The following SHROOM3 variants were observed in gnomAD, a reference collection of about 807,000 sequenced individuals.
SHROOM3 encodes the protein protein Shroom3.
In SHROOM3, 47 loss-of-function variants were observed where a neutral mutation model predicts 138.6. The ratio of observed to expected loss-of-function variants is 0.34; its 90% CI spans 0.27 to 0.43. The LOEUF is 0.43. SHROOM3 is among the 20% of genes least tolerant of loss of function. SHROOM3 has a pLI of 1.00. For missense variants in SHROOM3, 2,491 were observed against 2,596.5 expected, an observed-to-expected ratio of 0.96 and a Z score of 0.88; for synonymous variants, 1,062 against 1,063.3, an observed-to-expected ratio of 1.00 and a Z score of 0.02.
rs35737209 is a variant in SHROOM3, at chr4:76,734,513, CT to C, written c.587+3594del. ...CTATGTTTTAAATATTTTAAAAATA[CT>C]TTTTTTTTTTTTTTTGAGATGGGTC... On this transcript the variant is annotated intron_variant, in intron 4 of 10. Coordinates refer to ENST00000296043, the MANE Select transcript of SHROOM3 (RefSeq NM_020859.4). 6.1e-3 allele frequency among the ~76,000 whole-genome samples: 844 copies of C among 137,628 alleles called. 3 individuals are homozygous for C. The highest frequency in any genetic ancestry group is 7.5e-3 in the Middle Eastern group (2 of 266). The allele number at this position is 137,628 out of a possible 152,430, so 90.3% of individuals were successfully genotyped here.
At position 76,634,074 on chromosome 4, in the gene SHROOM3, T is replaced by C. The variant is rs565087774; in HGVS notation, c.324-76082T>C. 7.9e-5 allele frequency among the ~76,000 whole-genome samples: 12 copies of C among 152,292 alleles called. 1 individual carries two copies. The highest frequency in any genetic ancestry group is 1.5e-4 in the Non-Finnish European group (10 of 68,020). On this transcript the variant is annotated intron_variant, in intron 2 of 10. Coordinates refer to ENST00000296043, the MANE Select transcript of SHROOM3 (RefSeq NM_020859.4). ...AGTGCTAGTCCTCAATATTCTCCCC[T>C]AACACCCATTCTCACTCTGCTAATA...
chr4:76,688,771 T>C, intron 2 of SHROOM3: 1 of 985,310 alleles, frequency 1.0e-6, no homozygotes, highest in Non-Finnish European at 1.2e-6. Context: ...CCAAAATCTC[T>C]CGAAATTACA....
At chr4:76,542,687 G>C (rs929917456) in intron 1 of SHROOM3, among the ~76,000 whole-genome samples, 1 of 152,228 alleles carries the variant, frequency 6.6e-6, no homozygotes, top group African/African-American at 2.4e-5. Flanking sequence ...ACAGCTAGCT[G>C]ACACCTTGGT....
chr4:76,643,211 CAAAAAA>C (rs34800196), intron 2 of SHROOM3, among the ~76,000 whole-genome samples: 1 of 125,164 alleles, frequency 8.0e-6, no homozygotes, highest in Admixed American at 8.2e-5. Flanking sequence ...GATGCTGTCT[CAAAAAA>C]AAAAAAAAAA....
At chr4:76,461,445 G>A (rs1731140774) in intron 1 of SHROOM3, among the ~76,000 whole-genome samples, 1 of 152,130 alleles carries the variant, frequency 6.6e-6, no homozygotes, top group South Asian at 2.1e-4. Flanking sequence ...AGAATTTGGG[G>A]TTGTGTCAGA....
chr4:76,777,423 T>C (rs1414251399), intron 10 of SHROOM3, among the ~76,000 whole-genome samples: 2 of 152,264 alleles, frequency 1.3e-5, no homozygotes, highest in African/African-American at 4.8e-5. Flanking sequence ...ATAGCAGTGC[T>C]ACTTATTTGT....
chr4:76,441,216 T>C (rs1270331149), intron 1 of SHROOM3, among the ~76,000 whole-genome samples: 1 of 148,410 alleles, frequency 6.7e-6, no homozygotes, highest in Non-Finnish European at 1.5e-5. Context: ...TGCCTCAGAC[T>C]CCCAAGTAGC....
rs772237354 is a variant in SHROOM3 at position 76,730,945 on chromosome 4, T to C, written c.587+10T>C. 2.5e-6 allele frequency: 4 copies of C among 1,614,084 alleles called. No individual in the cohort carries two copies. Among genetic ancestry groups the C allele is most frequent in the Non-Finnish European group, 3.4e-6 (4 of 1,179,968 alleles). ...AAAGCTACCATTCCAGGTAAGTGGC[T>C]ATAGCTGAGACTGAAGGGTTTCTTT... On this transcript the variant is annotated intron_variant, in intron 4 of 10. Transcript: ENST00000296043.
chr4:76,476,781 G>T (rs545175173), intron 1 of SHROOM3, among the ~76,000 whole-genome samples: 1 of 152,206 alleles, frequency 6.6e-6, no homozygotes, highest in African/African-American at 2.4e-5. Context: ...ATAACCTGAT[G>T]CATTAAGATA....
At chr4:76,562,086 A>G (rs557795371) in intron 2 of SHROOM3, among the ~76,000 whole-genome samples, 1 of 152,218 alleles carries the variant, frequency 6.6e-6, no homozygotes, top group Non-Finnish European at 1.5e-5. Flanking sequence ...CTAAGAAAAC[A>G]TTTTGAATGA....
intron 1 of SHROOM3, among the ~76,000 whole-genome samples, chr4:76,541,665 T>C (rs1579223747): frequency 6.8e-6 from 1 of 146,902 alleles, no homozygotes; most frequent in African/African-American, 2.6e-5. Context: ...AAATGGAGAG[T>C]ATTGCCCTTG....
intron 2 of SHROOM3, among the ~76,000 whole-genome samples, chr4:76,558,887 T>C (rs1181951799): frequency 6.6e-6 from 1 of 152,200 alleles, no homozygotes; most frequent in Non-Finnish European, 1.5e-5. Context: ...TGGTCCATCT[T>C]CCTAATAGGG....
chr4:76,446,279 C>T (rs962053483), intron 1 of SHROOM3, among the ~76,000 whole-genome samples: 1 of 151,278 alleles, frequency 6.6e-6, no homozygotes, highest in African/African-American at 2.4e-5. Context: ...CTTTGTGATG[C>T]CAAAGAACCC....
chr4:76,723,211 C>A (rs1053337056), intron 3 of SHROOM3, among the ~76,000 whole-genome samples: 1 of 152,190 alleles, frequency 6.6e-6, no homozygotes, highest in East Asian at 1.9e-4. Context: ...TGACTTCAGA[C>A]CCCATTCATG....
At chr4:76,490,820 T>C (rs1731833933) in intron 1 of SHROOM3, among the ~76,000 whole-genome samples, 1 of 152,246 alleles carries the variant, frequency 6.6e-6, no homozygotes, top group Non-Finnish European at 1.5e-5. Flanking sequence ...TGACACCATG[T>C]GTGCCCTGTA....
In SHROOM3 at chr4:76,569,560, C is replaced by A. The variant is rs183962311; in HGVS notation, c.323+13797C>A. Among the ~76,000 whole-genome samples, 281 of 152,198 alleles carry A rather than the reference C, an allele frequency of 1.8e-3. 1 individual carries two copies. The highest frequency in any genetic ancestry group is 6.2e-3 in the African/African-American group (258 of 41,534). ...CTCCAAAAGCCAGAGCTCCTTTTTG[C>A]CTTAATCTTATATTTTCTTTCTTAC... On this transcript the variant is annotated intron_variant, in intron 2 of 10. Coordinates refer to ENST00000296043, the MANE Select transcript of SHROOM3 (RefSeq NM_020859.4).
At chr4:76,670,218 T>C (rs1718837162) in intron 2 of SHROOM3, among the ~76,000 whole-genome samples, 1 of 152,214 alleles carries the variant, frequency 6.6e-6, no homozygotes, top group Admixed American at 6.5e-5. Flanking sequence ...AATAGAAAAA[T>C]GAAATGTTGT....
At chr4:76,569,497 C>G (rs528873327) in intron 2 of SHROOM3, among the ~76,000 whole-genome samples, 4 of 152,304 alleles carry the variant, frequency 2.6e-5, no homozygotes, top group African/African-American at 9.6e-5. Context: ...TAGCACCAGC[C>G]AAGCCTGCTC....
chr4:76,730,702 A>T (rs1478061169), intron 3 of SHROOM3, 102 bp from the exon 4 acceptor site: 1 of 1,500,490 alleles, frequency 6.7e-7, no homozygotes, highest in Admixed American at 1.7e-5. Context: ...TCAATCTCTG[A>T]GGACACAGCA....
Sources: allele counts gnomAD v4.1 joint callset (sites outside exome capture counted in the v4.1 genomes callset), GRCh38; gene constraint gnomAD v4.1.1; transcripts MANE v1.5; gene names NCBI Gene and HGNC (gene_info 2026-07-23, HGNC 2026-07-21).